Variants in PHF24 observed in about 807,000 individuals in gnomAD.
The protein encoded by PHF24 is Galpha inhibitory interacting protein.
A neutral mutation model predicts 42.6 loss-of-function variants in PHF24; 25 were observed. The observed-to-expected ratio is 0.59, with a 90% CI of 0.43 to 0.82. The LOEUF is 0.82. Ranked by LOEUF, PHF24 falls within the 40% of genes least tolerant of loss-of-function variation. The probability of loss-of-function intolerance (pLI) is 0.00; values close to 1 mark genes in which losing one functional copy is unlikely to be tolerated. For synonymous variants in PHF24, 185 were observed against 204.8 expected (o/e 0.90, Z 0.83); for missense variants, 470 against 538.1 (o/e 0.87, Z 1.25).
chr9:34,978,704 C>T (rs940670343), exon 8 of PHF24: 5 of 152,282 alleles, frequency 3.3e-5, no homozygotes, highest in African/African-American at 1.2e-4. Context: ...CTCGGCTGTA[C>T]TGAGTTGGGA....
the PHF24 span, among the ~76,000 whole-genome samples, chr9:34,760,013 C>T: frequency 1.1e-3 from 175 of 152,308 alleles, no homozygotes; most frequent in Non-Finnish European, 1.9e-3. Flanking sequence ...GTAATGATCA[C>T]AGCTAAGCCT....
chr9:34,677,500 C>T, the PHF24 span, among the ~76,000 whole-genome samples: 2 of 150,728 alleles, frequency 1.3e-5, no homozygotes, highest in African/African-American at 4.9e-5. Flanking sequence ...GGGTTCACGC[C>T]ATTCTCCTGC....
At chr9:34,809,160 C>G in the PHF24 span, among the ~76,000 whole-genome samples, 2 of 151,646 alleles carry the variant, frequency 1.3e-5, no homozygotes, top group Non-Finnish European at 2.9e-5. The surrounding 1 kb of genome is among the most constrained non-coding windows in gnomAD (Gnocchi z 4.1). Context: ...TTGTTTGTAT[C>G]CCCCACAAGA....
At chr9:34,946,794 G>A in the PHF24 span, among the ~76,000 whole-genome samples, 3 of 152,116 alleles carry the variant, frequency 2.0e-5, no homozygotes, top group Non-Finnish European at 4.4e-5. Context: ...CCAGACCAGG[G>A]TGATGAAATT....
chr9:34,873,107 C>T, the PHF24 span, among the ~76,000 whole-genome samples: 14 of 150,170 alleles, frequency 9.3e-5, no homozygotes, highest in Non-Finnish European at 1.3e-4. Flanking sequence ...GATATTAGCC[C>T]TTTGTCAGAT....
At chr9:34,818,029 A>G in the PHF24 span, among the ~76,000 whole-genome samples, 1 of 152,302 alleles carries the variant, frequency 6.6e-6, no homozygotes, top group Admixed American at 6.5e-5. Flanking sequence ...ATGACTGATT[A>G]TTGCATATTT....
At chr9:34,700,835 G>A in the PHF24 span, among the ~76,000 whole-genome samples, 2 of 152,284 alleles carry the variant, frequency 1.3e-5, no homozygotes, top group South Asian at 4.1e-4. Context: ...GTGGCAGTCA[G>A]GGTGTTCCGA....
the PHF24 span, among the ~76,000 whole-genome samples, chr9:34,930,525 G>A: frequency 5.8e-3 from 888 of 152,244 alleles, 11 homozygotes; most frequent in African/African-American, 0.02. Context: ...GGATATGTCC[G>A]GAAAGGGCTG....
chr9:34,843,688 CAT>C, the PHF24 span, among the ~76,000 whole-genome samples: 1 of 152,100 alleles, frequency 6.6e-6, no homozygotes, highest in Non-Finnish European at 1.5e-5. Context: ...TTCAAAATAA[CAT>C]ACATTTATTA....
the PHF24 span, among the ~76,000 whole-genome samples, chr9:34,952,069 A>C: frequency 6.6e-6 from 1 of 152,260 alleles, no homozygotes; most frequent in Non-Finnish European, 1.5e-5. Flanking sequence ...AATAAAAAGC[A>C]TAGAGATTGG....
At chr9:34,758,332 G>C in the PHF24 span, among the ~76,000 whole-genome samples, 8 of 152,228 alleles carry the variant, frequency 5.3e-5, no homozygotes, top group Non-Finnish European at 1.2e-4. This position sits in a 1 kb window ranked among gnomAD's most constrained non-coding sequence, Gnocchi z 4.4. Flanking sequence ...TCAGTTGTTT[G>C]GTGGTTTGGG....
chr9:34,667,820 C>T, the PHF24 span, among the ~76,000 whole-genome samples: 1 of 152,312 alleles, frequency 6.6e-6, no homozygotes, highest in South Asian at 2.1e-4. Flanking sequence ...TAGAACTCAT[C>T]TTCCTGAAAG....
the PHF24 span, among the ~76,000 whole-genome samples, chr9:34,701,873 A>G: frequency 6.6e-6 from 1 of 152,124 alleles, no homozygotes; most frequent in Non-Finnish European, 1.5e-5. This position sits in a 1 kb window ranked among gnomAD's most constrained non-coding sequence, Gnocchi z 5.8. Context: ...CCACGCCCCA[A>G]ATAGTCCCGA....
the PHF24 span, chr9:34,723,182 A>G: frequency 2.3e-4 from 347 of 1,518,698 alleles, 2 homozygotes; most frequent in Middle Eastern, 7.2e-4. Flanking sequence ...ATGGCTCTGC[A>G]TGTTCTCCTT....
At chr9:34,967,265 A>C (rs1224588626) in intron 1 of PHF24, among the ~76,000 whole-genome samples, 1 of 152,178 alleles carries the variant, frequency 6.6e-6, no homozygotes, top group African/African-American at 2.4e-5. Context: ...CGTTCTTCAA[A>C]TTGCAGATTT....
chr9:34,726,733 G>T, the PHF24 span: 14 of 1,551,558 alleles, frequency 9.0e-6, no homozygotes, highest in Non-Finnish European at 1.2e-5. Flanking sequence ...ACAGTGTTGG[G>T]GTTACAGATG....
At chr9:34,745,669 C>T in the PHF24 span, among the ~76,000 whole-genome samples, 8 of 146,620 alleles carry the variant, frequency 5.5e-5, no homozygotes. Context: ...TTTTCCATTT[C>T]CCATTCAGAA....
the PHF24 span, among the ~76,000 whole-genome samples, chr9:34,867,039 C>T: frequency 6.6e-6 from 1 of 152,174 alleles, no homozygotes; most frequent in Admixed American, 6.5e-5. Flanking sequence ...ACTGAAAGCT[C>T]GAAAATCTCA....
At chr9:34,803,372 C>T in the PHF24 span, among the ~76,000 whole-genome samples, 1 of 142,764 alleles carries the variant, frequency 7.0e-6, no homozygotes, top group African/African-American at 2.6e-5. Flanking sequence ...TCAGGGAAGC[C>T]ATTAATTTGC....
Sources: allele counts gnomAD v4.1 joint callset (sites outside exome capture counted in the v4.1 genomes callset), GRCh38; gene constraint gnomAD v4.1.1; non-coding constraint Gnocchi (gnomAD v3.1); transcripts MANE v1.5; gene names NCBI Gene and HGNC (gene_info 2026-07-23, HGNC 2026-07-21).